Variants in DRICH1 observed in about 807,000 individuals in gnomAD.
DRICH1 encodes aspartate-rich protein 1.
A neutral mutation model predicts 39.5 loss-of-function variants in DRICH1; 38 were observed. The observed-to-expected ratio is 0.96, with a 90% CI of 0.74 to 1.26. DRICH1 has a LOEUF of 1.26. Among genes scored for constraint, DRICH1 ranks in the 50% most tolerant of loss-of-function variants. DRICH1 has a pLI of 0.00. For missense variants in DRICH1, 279 were observed against 270.4 expected (o/e 1.03, Z -0.22); for synonymous variants, 84 against 99.5 (o/e 0.84, Z 0.93).
chr22:23,594,162 C>G, the DRICH1 span, among the ~76,000 whole-genome samples: 6 of 152,208 alleles, frequency 3.9e-5, no homozygotes, highest in African/African-American at 1.4e-4. Flanking sequence ...AACTACAAAT[C>G]AAAGCAGCTC....
the DRICH1 span, among the ~76,000 whole-genome samples, chr22:23,589,127 C>A: frequency 7.4e-6 from 1 of 135,736 alleles, no homozygotes; most frequent in Non-Finnish European, 1.7e-5. Flanking sequence ...CACACACACA[C>A]CCCTTTGATA....
intron 8 of DRICH1, among the ~76,000 whole-genome samples, chr22:23,616,233 G>T (rs952390840): frequency 1.3e-5 from 2 of 152,158 alleles, no homozygotes; most frequent in South Asian, 4.1e-4. Flanking sequence ...ACAGAACTCT[G>T]TCCTAAACCA....
the DRICH1 span, among the ~76,000 whole-genome samples, chr22:23,589,650 C>A: frequency 6.6e-6 from 1 of 152,070 alleles, no homozygotes; most frequent in Non-Finnish European, 1.5e-5. Flanking sequence ...AATGCAATTA[C>A]AGTCATGTCA....
chr22:23,609,715 C>T (rs898305112), intron 11 of DRICH1, among the ~76,000 whole-genome samples: 1 of 152,182 alleles, frequency 6.6e-6, no homozygotes, highest in Non-Finnish European at 1.5e-5. Flanking sequence ...CCGCTCTCTG[C>T]CTCAGATTCA....
At chr22:23,614,701 T>C (rs1439417198) in intron 8 of DRICH1, among the ~76,000 whole-genome samples, 1 of 152,246 alleles carries the variant, frequency 6.6e-6, no homozygotes, top group Non-Finnish European at 1.5e-5. Flanking sequence ...TGACACTTTC[T>C]TTTTCATAGA....
rs146915613 is a variant in DRICH1, at chr22:23,615,506, T to C, written c.542-1292A>G. ...CTGTCAACATGAAGATCCTCGGAAG[T>C]AAAGAAGGTACAAATAAGTGGAAAG... On this transcript the variant is annotated intron_variant, in intron 8 of 11. Coordinates refer to ENST00000317749, the MANE Select transcript of DRICH1 (RefSeq NM_016449.4). Among the ~76,000 whole-genome samples, 673 of 152,248 alleles carry C rather than the reference T, an allele frequency of 4.4e-3. 8 individuals carry two copies. Among genetic ancestry groups the C allele is most frequent in the African/African-American group, 0.015 (640 of 41,532 alleles).
chr22:23,613,392 T>C (rs1927160636), intron 10 of DRICH1, 62 bp from the exon 11 acceptor site: 3 of 1,382,458 alleles, frequency 2.2e-6, no homozygotes, highest in African/African-American at 2.8e-5. Flanking sequence ...CTCCTCCTAC[T>C]TTACTTTAGC....
chr22:23,631,867 C>A lies in DRICH1; in HGVS notation c.157G>T (p.Ala53Ser). The A allele has an allele frequency of 6.2e-7, 1 of 1,612,858 alleles. No individual in the cohort carries two copies. Among genetic ancestry groups the A allele is most frequent in the Non-Finnish European group, 8.5e-7 (1 of 1,180,020 alleles). ...TGCTGCAGGTCTTGGCCCTCCGTGG[C>A]TCCCACATCCAGCTTGCCAGGCTCT... ...TVEPGKLDVG[A>S]TEGQDLQHIS... The change falls in exon 1 of 12, where the codon GCC becomes TCC. Residue 53 changes from alanine (A) to serine (S), a missense_variant. Ala to Ser is a moderately conservative substitution (Grantham distance 99). Transcript: ENST00000317749.
At chr22:23,620,643 G>T (rs761156285) in intron 4 of DRICH1, 28 bp from the exon 5 acceptor site, 3 of 1,613,000 alleles carry the variant, frequency 1.9e-6, no homozygotes, top group Non-Finnish European at 2.5e-6. Context: ...AAGATGCTAT[G>T]AGGATCAGAT....
intron 11 of DRICH1, among the ~76,000 whole-genome samples, chr22:23,609,801 G>A (rs960794994): frequency 6.6e-6 from 1 of 152,102 alleles, no homozygotes; most frequent in African/African-American, 2.4e-5. Flanking sequence ...CTCCCTCAAG[G>A]CCATGAATAC....
At chr22:23,605,201 G>C (rs1049966249), downstream of DRICH1, among the ~76,000 whole-genome samples, 1 of 152,286 alleles carries the variant, frequency 6.6e-6, no homozygotes, top group South Asian at 2.1e-4. Context: ...CCAGAAGGTT[G>C]TAAATGAACC....
intron 3 of DRICH1, among the ~76,000 whole-genome samples, chr22:23,623,289 C>T (rs902914397): frequency 2.0e-5 from 3 of 152,064 alleles, no homozygotes; most frequent in African/African-American, 7.2e-5. Flanking sequence ...ACTGTAGTCC[C>T]AGCTACTCAG....
rs576108467 is a variant in DRICH1 at position 23,627,236 on chromosome 22, C to A, written c.209-1188G>T. Among the ~76,000 whole-genome samples, 83 of 152,042 alleles carry A rather than the reference C, an allele frequency of 5.5e-4. 1 individual carries two copies. The South Asian group carries it at 0.017, about 31-fold the overall frequency. On this transcript the variant is annotated intron_variant, in intron 1 of 11. Transcript: ENST00000317749. Reference sequence around the variant, plus strand: ...TACAGGTGTGCGTCACCACACCTGGCTAATTTTTGCATTTTTAGTAGAGAT... The same window carrying A: ...TACAGGTGTGCGTCACCACACCTGGATAATTTTTGCATTTTTAGTAGAGAT...
At chr22:23,600,676 C>CTTTT in the DRICH1 span, among the ~76,000 whole-genome samples, 1 of 109,598 alleles carries the variant, frequency 9.1e-6, no homozygotes, top group African/African-American at 3.3e-5. Context: ...AATTTTTTTT[C>CTTTT]TTTTTTTTTT....
intron 7 of DRICH1, 115 bp from the exon 8 acceptor site, chr22:23,616,989 G>A: frequency 8.0e-7 from 1 of 1,251,730 alleles, no homozygotes; most frequent in Non-Finnish European, 1.2e-6. Context: ...ACAGTGGTAA[G>A]TCAAGGTCAA....
chr22:23,599,071 C>T, the DRICH1 span, among the ~76,000 whole-genome samples: 1 of 152,232 alleles, frequency 6.6e-6, no homozygotes, highest in Non-Finnish European at 1.5e-5. Context: ...CTGGACAACA[C>T]GTGTCCCATA....
intron 4 of DRICH1, among the ~76,000 whole-genome samples, chr22:23,621,619 A>C (rs1475406761): frequency 6.6e-6 from 1 of 152,090 alleles, no homozygotes; most frequent in African/African-American, 2.4e-5. Flanking sequence ...CTGTCATTAA[A>C]AGTCTCACTT....
At chr22:23,612,057 G>A (rs1017365987) in intron 11 of DRICH1, among the ~76,000 whole-genome samples, 2 of 152,164 alleles carry the variant, frequency 1.3e-5, no homozygotes, top group Non-Finnish European at 2.9e-5. Flanking sequence ...TTATAACAAT[G>A]AAAGATATGC....
At position 23,627,318 on chromosome 22, in the gene DRICH1, T is replaced by C. The variant is rs541844758; in HGVS notation, c.209-1270A>G. On this transcript the variant is annotated intron_variant, in intron 1 of 11. Transcript: ENST00000317749. ...GAACTCCTGACCTCAGATGATCCAC[T>C]GGCCCTGGCCTCCCAAAGTGCTGGA... Among the ~76,000 whole-genome samples, 4 of 152,176 alleles carry C rather than the reference T, an allele frequency of 2.6e-5. No homozygotes were observed. In the East Asian group the frequency reaches 7.7e-4, roughly 29 times the overall value.
Sources: gnomAD v4.1 joint callset for allele counts (sites outside exome capture counted in the v4.1 genomes callset) on GRCh38, gnomAD v4.1.1 for gene constraint, MANE v1.5 for transcripts, NCBI Gene and HGNC (gene_info 2026-07-23, HGNC 2026-07-21) for gene names.